Variants in NDEL1 observed in about 807,000 individuals in gnomAD.
NDEL1 encodes the protein nudE neurodevelopment protein 1 like 1.
NDEL1 carries 9 observed loss-of-function variants against 45.7 expected under a neutral mutation model. The observed-to-expected ratio is 0.20, with a 90% CI of 0.12 to 0.34. NDEL1 has a LOEUF of 0.34. NDEL1 is among the 10% of genes least tolerant of loss of function. The probability of loss-of-function intolerance (pLI) is 1.00; values close to 1 mark genes in which losing one functional copy is unlikely to be tolerated. For missense variants in NDEL1, 306 were observed against 406.2 expected (o/e 0.75, Z 2.12); for synonymous variants, 133 against 158.6 (o/e 0.84, Z 1.21).
Position 8,465,595 on chromosome 17 carries a change from A to G in NDEL1, c.945-1335A>G, listed in dbSNP as rs1197723587. The G allele has an allele frequency of 6.6e-6, 1 of 151,770 alleles. No homozygotes were observed. The highest frequency in any genetic ancestry group is 6.6e-5 in the Admixed American group (1 of 15,250). 9.4% of individuals were successfully genotyped at this position (151,770 alleles called of 1,614,324 possible). On this transcript the variant is annotated intron_variant, in intron 8 of 8. Coordinates refer to ENST00000334527, the MANE Select transcript of NDEL1 (RefSeq NM_030808.5). The surrounding 1 kb of genome is among the most constrained non-coding windows in gnomAD (Gnocchi z 4.9). The stretch of plus-strand genomic sequence containing the variant: ...TCTGTGAGGTTATCCTCACCCCGTC[A>G]GTGTACGAAACAGCTGTCTCTGCAG...
At chr17:8,415,143 T>G in intron 1 of NDEL1, among the ~76,000 whole-genome samples, 1 of 150,266 alleles carries the variant, frequency 6.7e-6, no homozygotes, top group Admixed American at 6.6e-5. Flanking sequence ...CTTCTCTCTT[T>G]CTGTCTCTCT....
chr17:8,457,597 T>A (rs1910924826), intron 7 of NDEL1, among the ~76,000 whole-genome samples: 1 of 152,262 alleles, frequency 6.6e-6, no homozygotes, highest in Non-Finnish European at 1.5e-5. Context: ...TGGAAGCCCT[T>A]CTCCACTCTT....
intron 1 of NDEL1, among the ~76,000 whole-genome samples, chr17:8,422,820 T>C (rs1329739292): frequency 6.6e-6 from 1 of 151,660 alleles, no homozygotes; most frequent in Non-Finnish European, 1.5e-5. Context: ...CACTGCAACC[T>C]CTGTCTCCCA....
At chr17:8,448,505 C>T in intron 4 of NDEL1, 45 bp from the exon 5 acceptor site, 1 of 1,579,800 alleles carries the variant, frequency 6.3e-7, no homozygotes, top group Non-Finnish European at 8.6e-7. Flanking sequence ...TATCTGTTTG[C>T]ACATGTTATT....
At chr17:8,443,428 A>G (rs1268016323) in intron 1 of NDEL1, among the ~76,000 whole-genome samples, 1 of 152,188 alleles carries the variant, frequency 6.6e-6, no homozygotes, top group African/African-American at 2.4e-5. Flanking sequence ...CACTCCAGGT[A>G]GAGAAAACCT....
chr17:8,469,259 G>A (rs946729795), downstream of NDEL1, among the ~76,000 whole-genome samples: 1 of 152,112 alleles, frequency 6.6e-6, no homozygotes, highest in Non-Finnish European at 1.5e-5. Context: ...TGGAAGGATT[G>A]GATTAGATGA....
At chr17:8,416,932 C>T (rs1048224726) in intron 1 of NDEL1, among the ~76,000 whole-genome samples, 3 of 152,026 alleles carry the variant, frequency 2.0e-5, no homozygotes, top group Non-Finnish European at 4.4e-5. Context: ...TTAATTTCAA[C>T]CCTCATTGAT....
downstream of NDEL1, among the ~76,000 whole-genome samples, chr17:8,469,245 T>A (rs1250959313): frequency 6.6e-6 from 1 of 152,106 alleles, no homozygotes; most frequent in Non-Finnish European, 1.5e-5. Flanking sequence ...TTCCCAGCCC[T>A]CATTGGAAGG....
intron 4 of NDEL1, 84 bp from the exon 5 acceptor site, chr17:8,448,466 C>T (rs982259707): frequency 6.4e-6 from 9 of 1,415,254 alleles, no homozygotes; most frequent in Admixed American, 2.3e-5. Flanking sequence ...GGAAATGTCA[C>T]GAGATAAACT....
upstream of NDEL1, among the ~76,000 whole-genome samples, chr17:8,432,328 A>AATATATATTTTATATAAATAT (rs1909022819): frequency 9.4e-6 from 1 of 106,586 alleles, no homozygotes; most frequent in Non-Finnish European, 1.9e-5. Context: ...TTTATATATA[A>AATATATATTTTATATAAATAT]ATATATATAT....
At chr17:8,424,976 C>T (rs1458669781) in intron 1 of NDEL1, among the ~76,000 whole-genome samples, 1 of 152,168 alleles carries the variant, frequency 6.6e-6, no homozygotes, top group Non-Finnish European at 1.5e-5. Flanking sequence ...CGAGGTTCCA[C>T]GTTTCTAAGT....
chr17:8,435,352 G>C (rs1909208665), upstream of NDEL1, among the ~76,000 whole-genome samples: 1 of 152,174 alleles, frequency 6.6e-6, no homozygotes, highest in Admixed American at 6.5e-5. Flanking sequence ...GGATGAGCAA[G>C]GCATAAGAGG....
intron 8 of NDEL1, among the ~76,000 whole-genome samples, chr17:8,463,625 G>A (rs543969139): frequency 8.5e-5 from 13 of 152,320 alleles, no homozygotes; most frequent in South Asian, 2.1e-4. Flanking sequence ...GGGCTAGGGC[G>A]CTGTAGTGTT....
intron 6 of NDEL1, 126 bp downstream of exon 6, chr17:8,451,079 A>T: frequency 1.3e-6 from 1 of 754,628 alleles, no homozygotes; most frequent in Non-Finnish European, 1.9e-6. Flanking sequence ...GTCTAGTGCT[A>T]TGTGAAATAG....
At chr17:8,450,100 T>C (rs1214463504) in intron 5 of NDEL1, among the ~76,000 whole-genome samples, 4 of 151,858 alleles carry the variant, frequency 2.6e-5, no homozygotes, top group Non-Finnish European at 5.9e-5. Flanking sequence ...CTGACCAACA[T>C]GGTGAAACCC....
chr17:8,414,788 G>A (rs988011230), intron 1 of NDEL1, among the ~76,000 whole-genome samples: 1 of 152,124 alleles, frequency 6.6e-6, no homozygotes, highest in Non-Finnish European at 1.5e-5. Flanking sequence ...CTGAGTAGCT[G>A]GGATTACAGG....
At chr17:8,430,977 C>T (rs754335575), upstream of NDEL1, among the ~76,000 whole-genome samples, 1 of 152,228 alleles carries the variant, frequency 6.6e-6, no homozygotes, top group Non-Finnish European at 1.5e-5. Context: ...TCTTAGAATC[C>T]TGCCAGGCAA....
intron 6 of NDEL1, among the ~76,000 whole-genome samples, chr17:8,454,063 T>C (rs1200150394): frequency 1.3e-5 from 2 of 152,074 alleles, no homozygotes. Context: ...AATTTCTAGG[T>C]GAATTAAATG....
chr17:8,472,539 C>T (rs1911869464), downstream of NDEL1, among the ~76,000 whole-genome samples: 1 of 152,156 alleles, frequency 6.6e-6, no homozygotes, highest in Non-Finnish European at 1.5e-5. Context: ...GTGGCGGGCG[C>T]CTGTAATCCC....
Sources: allele counts gnomAD v4.1 joint callset (sites outside exome capture counted in the v4.1 genomes callset), GRCh38; gene constraint gnomAD v4.1.1; non-coding constraint Gnocchi (gnomAD v3.1); transcripts MANE v1.5; gene names NCBI Gene and HGNC (gene_info 2026-07-23, HGNC 2026-07-21).